Variants in IMMP2L observed in about 807,000 individuals in gnomAD.
IMMP2L encodes the protein mitochondrial inner membrane protease subunit 2.
IMMP2L carries 18 observed loss-of-function variants against 19.3 expected under a neutral mutation model. That is an observed-to-expected ratio of 0.93 (90% confidence interval 0.64 to 1.38). The LOEUF is 1.38. IMMP2L is among the 40% of genes most tolerant of loss of function. IMMP2L has a pLI of 0.00. For synonymous variants in IMMP2L, 76 were observed against 73.0 expected (o/e 1.04, Z -0.21); for missense variants, 233 against 218.2 (o/e 1.07, Z -0.43).
chr7:110,947,841 T>C (rs1283567943), intron 4 of IMMP2L, among the ~76,000 whole-genome samples: 2 of 152,156 alleles, frequency 1.3e-5, no homozygotes, highest in Admixed American at 6.5e-5. Context: ...TAAAATCAGG[T>C]ATCACACAGT....
At chr7:111,503,103 A>G (rs1279811250) in intron 2 of IMMP2L, among the ~76,000 whole-genome samples, 6 of 152,160 alleles carry the variant, frequency 3.9e-5, no homozygotes, top group African/African-American at 1.4e-4. Flanking sequence ...AAGAGAGAAG[A>G]ATCAAATAGA....
At chr7:111,500,096 A>G (rs1035679203) in intron 2 of IMMP2L, among the ~76,000 whole-genome samples, 1 of 151,868 alleles carries the variant, frequency 6.6e-6, no homozygotes, top group Non-Finnish European at 1.5e-5. Context: ...AAATCGGGTC[A>G]CTCCCACCCT....
At chr7:110,976,815 A>G (rs1042393678) in intron 3 of IMMP2L, among the ~76,000 whole-genome samples, 2 of 152,036 alleles carry the variant, frequency 1.3e-5, no homozygotes, top group Admixed American at 6.6e-5. Flanking sequence ...TACATGTTCA[A>G]TAAAGACCCA....
At chr7:110,871,749 A>G (rs1415647068) in intron 5 of IMMP2L, among the ~76,000 whole-genome samples, 2 of 152,194 alleles carry the variant, frequency 1.3e-5, no homozygotes, top group East Asian at 3.9e-4. Flanking sequence ...TTAATCTAAG[A>G]TAAACTACAG....
At chr7:111,055,610 C>T (rs1245400340) in intron 3 of IMMP2L, among the ~76,000 whole-genome samples, 2 of 152,172 alleles carry the variant, frequency 1.3e-5, no homozygotes, top group Non-Finnish European at 2.9e-5. Flanking sequence ...AAACTGCTTT[C>T]GTAGGCTGGA....
Position 111,073,703 on chromosome 7 carries a change from A to C in IMMP2L, c.240-110138T>G, listed in dbSNP as rs1453588255. On this transcript the variant is annotated intron_variant, in intron 3 of 5. Transcript: ENST00000405709. ...TGTGTGGGATTCCATTTCCCTTGAG[A>C]GGCATCTTCTGTTAACTCTCTTTTC... Among the ~76,000 whole-genome samples, 3 of 152,148 alleles carry C rather than the reference A, an allele frequency of 2.0e-5. No individual in the cohort carries two copies. In the East Asian group the frequency reaches 5.8e-4, roughly 29 times the overall value.
chr7:111,451,856 G>A (rs945355655), intron 3 of IMMP2L, among the ~76,000 whole-genome samples: 7 of 151,952 alleles, frequency 4.6e-5, no homozygotes, highest in African/African-American at 1.7e-4. Flanking sequence ...ATCACTAGAA[G>A]CATATGCAAG....
intron 3 of IMMP2L, among the ~76,000 whole-genome samples, chr7:111,465,830 T>A (rs533114559): frequency 6.6e-6 from 1 of 152,276 alleles, no homozygotes; most frequent in African/African-American, 2.4e-5. Flanking sequence ...ACTGGGTATA[T>A]ACCCAAAGGA....
intron 5 of IMMP2L, among the ~76,000 whole-genome samples, chr7:110,717,329 T>G (rs954745959): frequency 6.6e-6 from 1 of 151,944 alleles, no homozygotes; most frequent in South Asian, 2.1e-4. Context: ...ACAAAAAAAA[T>G]TAGCGGGTGT....
intron 5 of IMMP2L, among the ~76,000 whole-genome samples, chr7:110,670,399 A>T (rs1283078333): frequency 6.6e-6 from 1 of 152,114 alleles, no homozygotes; most frequent in East Asian, 1.9e-4. Flanking sequence ...AATTTAAAAA[A>T]CGCTACGCAG....
intron 3 of IMMP2L, among the ~76,000 whole-genome samples, chr7:111,034,423 G>T (rs926897804): frequency 1.3e-5 from 2 of 152,106 alleles, no homozygotes; most frequent in African/African-American, 4.8e-5. Flanking sequence ...ACCTTGCAAA[G>T]AATTACGAAT....
intron 3 of IMMP2L, among the ~76,000 whole-genome samples, chr7:110,987,647 T>C (rs1821999368): frequency 1.3e-5 from 2 of 152,304 alleles, no homozygotes; most frequent in East Asian, 1.9e-4. Flanking sequence ...TTTACTGCAA[T>C]GTTTCTCACA....
intron 3 of IMMP2L, among the ~76,000 whole-genome samples, chr7:111,412,376 TA>T (rs572410406): frequency 3.6e-4 from 55 of 151,666 alleles, no homozygotes; most frequent in South Asian, 3.5e-3. Context: ...CTAATGCACG[TA>T]AAAAAATTAA....
At chr7:110,912,089 A>G (rs929965881) in intron 4 of IMMP2L, among the ~76,000 whole-genome samples, 7 of 152,100 alleles carry the variant, frequency 4.6e-5, no homozygotes, top group Admixed American at 6.6e-5. Context: ...ATAATGTCAA[A>G]GGAGAAACAA....
intron 3 of IMMP2L, among the ~76,000 whole-genome samples, chr7:111,204,676 G>T (rs1476820072): frequency 5.9e-5 from 9 of 152,100 alleles, no homozygotes; most frequent in Admixed American, 5.9e-4. Context: ...TAAATAACAT[G>T]TTGAGTACTT....
At chr7:111,328,514 A>G (rs1303914535) in intron 3 of IMMP2L, among the ~76,000 whole-genome samples, 2 of 151,882 alleles carry the variant, frequency 1.3e-5, no homozygotes, top group African/African-American at 2.4e-5. Context: ...TGAAGAATAT[A>G]AAGTAAATGG....
intron 3 of IMMP2L, among the ~76,000 whole-genome samples, chr7:111,179,347 A>G (rs995817305): frequency 2.0e-5 from 3 of 152,092 alleles, no homozygotes; most frequent in African/African-American, 7.2e-5. Context: ...ACAAATTCAT[A>G]AACTTTCTTA....
At chr7:111,509,075 G>T (rs994434336) in intron 2 of IMMP2L, among the ~76,000 whole-genome samples, 11 of 152,058 alleles carry the variant, frequency 7.2e-5, no homozygotes, top group African/African-American at 2.7e-4. Flanking sequence ...AGGCAATCAG[G>T]ATTTTCCAAG....
chr7:110,866,887 G>T (rs546102031), intron 5 of IMMP2L, among the ~76,000 whole-genome samples: 1 of 151,946 alleles, frequency 6.6e-6, no homozygotes, highest in Non-Finnish European at 1.5e-5. Context: ...CAAAGAACAC[G>T]AAATACATTA....
Sources: gnomAD v4.1 joint callset for allele counts (sites outside exome capture counted in the v4.1 genomes callset) on GRCh38, gnomAD v4.1.1 for gene constraint, MANE v1.5 for transcripts, NCBI Gene and HGNC (gene_info 2026-07-23, HGNC 2026-07-21) for gene names.